Variants in RIMS2 observed in about 807,000 individuals in gnomAD.
RIMS2 encodes regulating synaptic membrane exocytosis 2.
In RIMS2, 59 loss-of-function variants were observed where a neutral mutation model predicts 174.4. The observed-to-expected ratio is 0.34, with a 90% CI of 0.27 to 0.42. The LOEUF is 0.42. Ranked by LOEUF, RIMS2 falls within the 10% of genes least tolerant of loss-of-function variation. RIMS2 has a pLI of 1.00. For synonymous variants in RIMS2, 606 were observed against 572.5 expected (o/e 1.06, Z -0.84); for missense variants, 1,620 against 1,666.3 (o/e 0.97, Z 0.48).
chr8:103,575,306 G>A (rs749413802), intron 1 of RIMS2, among the ~76,000 whole-genome samples: 9 of 152,130 alleles, frequency 5.9e-5, no homozygotes, highest in Non-Finnish European at 1.2e-4. Context: ...TAAGGTTATG[G>A]AACAATTGCT....
intron 3 of RIMS2, among the ~76,000 whole-genome samples, chr8:103,790,649 T>C (rs938920318): frequency 3.9e-5 from 6 of 152,210 alleles, no homozygotes; most frequent in Non-Finnish European, 7.3e-5. Context: ...GGTTTTTATT[T>C]GTATTTCCCT....
intron 2 of RIMS2, among the ~76,000 whole-genome samples, chr8:103,729,278 G>C (rs2097563611): frequency 6.6e-6 from 1 of 151,912 alleles, no homozygotes; most frequent in African/African-American, 2.4e-5. Context: ...TCCAAGCTTT[G>C]GAGTTCTTCA....
intron 3 of RIMS2, among the ~76,000 whole-genome samples, chr8:103,802,283 A>G (rs1302701592): frequency 6.6e-6 from 1 of 152,212 alleles, no homozygotes; most frequent in Non-Finnish European, 1.5e-5. Context: ...ATATTTGCGT[A>G]TATGCTCATA....
chr8:103,860,764 T>G (rs896661634), intron 3 of RIMS2, among the ~76,000 whole-genome samples: 5 of 148,308 alleles, frequency 3.4e-5, no homozygotes, highest in African/African-American at 1.3e-4. Context: ...CACATCCCAA[T>G]GAGCAGAAAT....
chr8:104,133,189 A>T (rs2098486923), intron 19 of RIMS2, among the ~76,000 whole-genome samples: 1 of 152,222 alleles, frequency 6.6e-6, no homozygotes, highest in African/African-American at 2.4e-5. Flanking sequence ...TGGGGTACGT[A>T]ACATGTGAAG....
intron 16 of RIMS2, among the ~76,000 whole-genome samples, chr8:103,981,688 G>T (rs909431595): frequency 1.3e-5 from 2 of 151,916 alleles, no homozygotes; most frequent in African/African-American, 4.8e-5. Context: ...CAACGAGATT[G>T]AAATAATTAA....
At chr8:104,122,050 TGGG>T (rs1352829560) in intron 19 of RIMS2, among the ~76,000 whole-genome samples, 1 of 152,088 alleles carries the variant, frequency 6.6e-6, no homozygotes, top group African/African-American at 2.4e-5. Flanking sequence ...TATATTCTGA[TGGG>T]GGGACTGAAA....
At chr8:103,653,782 G>A (rs953533705) in intron 1 of RIMS2, among the ~76,000 whole-genome samples, 8 of 151,992 alleles carry the variant, frequency 5.3e-5, no homozygotes, top group African/African-American at 1.9e-4. Context: ...AGTATGATAT[G>A]TACTCTTCCT....
At chr8:103,503,701 G>A (rs931655417) in intron 1 of RIMS2, among the ~76,000 whole-genome samples, 3 of 151,972 alleles carry the variant, frequency 2.0e-5, no homozygotes, top group African/African-American at 7.2e-5. Context: ...TGCATGATCT[G>A]TGAGTTTCAA....
intron 3 of RIMS2, among the ~76,000 whole-genome samples, chr8:103,785,111 A>G (rs2098429814): frequency 2.8e-5 from 4 of 142,174 alleles, no homozygotes; most frequent in Admixed American, 2.1e-4. Context: ...ATTTTTGTAC[A>G]TTGATTTTGT....
At chr8:104,228,318 G>A (rs1176647039) in intron 19 of RIMS2, among the ~76,000 whole-genome samples, 2 of 152,208 alleles carry the variant, frequency 1.3e-5, no homozygotes, top group South Asian at 2.1e-4. Context: ...ATGAGCCACC[G>A]TGCCCGGCCT....
chr8:104,032,015 GA>G (rs1335251706), intron 19 of RIMS2, among the ~76,000 whole-genome samples: 1 of 151,840 alleles, frequency 6.6e-6, no homozygotes, highest in Non-Finnish European at 1.5e-5. Context: ...GTCCTTTAGG[GA>G]AAAAATGACT....
At chr8:103,996,172 A>G (rs2095082659) in intron 17 of RIMS2, among the ~76,000 whole-genome samples, 1 of 151,906 alleles carries the variant, frequency 6.6e-6, no homozygotes, top group Non-Finnish European at 1.5e-5. Flanking sequence ...TGACAGGTAA[A>G]AATGAGGCCA....
At chr8:103,735,190 T>C (rs556665603) in intron 2 of RIMS2, among the ~76,000 whole-genome samples, 1 of 152,284 alleles carries the variant, frequency 6.6e-6, no homozygotes, top group East Asian at 1.9e-4. Flanking sequence ...AGCCTTGTTA[T>C]TATTTTGGTT....
intron 3 of RIMS2, among the ~76,000 whole-genome samples, chr8:103,864,494 A>G (rs756933184): frequency 6.6e-6 from 1 of 152,096 alleles, no homozygotes. Context: ...GAGTTCTTCT[A>G]TATATTGATT....
At chr8:103,514,494 T>G (rs1473950895) in intron 1 of RIMS2, among the ~76,000 whole-genome samples, 2 of 152,180 alleles carry the variant, frequency 1.3e-5, no homozygotes, top group Non-Finnish European at 2.9e-5. Flanking sequence ...AGTTACAAAA[T>G]TCTAAGCAAA....
chr8:103,548,391 A>G (rs918343374), intron 1 of RIMS2, among the ~76,000 whole-genome samples: 4 of 152,232 alleles, frequency 2.6e-5, no homozygotes, highest in African/African-American at 4.8e-5. Context: ...TTCACCACAT[A>G]AACAGAATTC....
intron 19 of RIMS2, among the ~76,000 whole-genome samples, chr8:104,036,243 T>C (rs1312976936): frequency 1.3e-5 from 2 of 152,050 alleles, no homozygotes; most frequent in Non-Finnish European, 2.9e-5. Flanking sequence ...CTCCGCCTCC[T>C]GGGTTCACCC....
intron 1 of RIMS2, among the ~76,000 whole-genome samples, chr8:103,587,263 A>G (rs2093976929): frequency 6.6e-6 from 1 of 152,040 alleles, no homozygotes; most frequent in Non-Finnish European, 1.5e-5. Context: ...TCACTGCCGA[A>G]TTCTACCAAA....
Sources: gnomAD v4.1 joint callset for allele counts (sites outside exome capture counted in the v4.1 genomes callset) on GRCh38, gnomAD v4.1.1 for gene constraint, MANE v1.5 for transcripts, NCBI Gene and HGNC (gene_info 2026-07-23, HGNC 2026-07-21) for gene names.